Variants in UGGT2 observed in about 807,000 individuals in gnomAD.
The protein encoded by UGGT2 is UDP-glucose:glycoprotein glucosyltransferase 2.
A neutral mutation model predicts 192.1 loss-of-function variants in UGGT2; 180 were observed. That is an observed-to-expected ratio of 0.94 (90% CI 0.83 to 1.06). The LOEUF (loss-of-function observed/expected upper bound fraction) is 1.06, where lower values mean the gene tolerates loss of function less well. Among genes scored for constraint, UGGT2 ranks in the 50% least tolerant of loss-of-function variants. UGGT2 has a pLI of 0.00. For missense variants in UGGT2, 1,849 were observed against 1,795.7 expected (o/e 1.03, Z -0.54); for synonymous variants, 580 against 591.0 (o/e 0.98, Z 0.27).
In UGGT2 at chr13:95,814,703, T is replaced by G. The variant is rs1172811450; in HGVS notation, c.4529-12891A>C. The stretch of plus-strand genomic sequence containing the variant: ...AAACTCCAAAGTCCAAAGTCTCATC[T>G]GAGGCAATCTCCTTTGACTTCAACT... On this transcript the variant is annotated intron_variant, in intron 38 of 38. Coordinates refer to ENST00000376747, the MANE Select transcript of UGGT2 (RefSeq NM_020121.4). 2.6e-5 allele frequency among the ~76,000 whole-genome samples: 4 copies of G among 152,228 alleles called. No homozygotes were observed. The South Asian group carries it at 8.3e-4, about 32-fold the overall frequency.
intron 38 of UGGT2, among the ~76,000 whole-genome samples, chr13:95,816,273 G>C (rs181219393): frequency 6.6e-6 from 1 of 152,156 alleles, no homozygotes; most frequent in African/African-American, 2.4e-5. Context: ...TTAAGAGAGT[G>C]ATATCAAATG....
intron 15 of UGGT2, among the ~76,000 whole-genome samples, chr13:95,946,002 C>A (rs914108872): frequency 6.6e-6 from 1 of 151,902 alleles, no homozygotes; most frequent in Non-Finnish European, 1.5e-5. Flanking sequence ...CAAGCTAAAG[C>A]CCAATGAATA....
intron 20 of UGGT2, among the ~76,000 whole-genome samples, chr13:95,910,854 C>T (rs2048470675): frequency 6.6e-6 from 1 of 152,100 alleles, no homozygotes; most frequent in African/African-American, 2.4e-5. Context: ...CACTCTTCAG[C>T]AAATATAAAA....
intron 38 of UGGT2, among the ~76,000 whole-genome samples, chr13:95,820,195 T>A (rs1885359972): frequency 1.3e-5 from 2 of 152,098 alleles, no homozygotes; most frequent in Non-Finnish European, 2.9e-5. Flanking sequence ...GACTTTTTTT[T>A]AAAGGGGATA....
intron 7 of UGGT2, among the ~76,000 whole-genome samples, chr13:95,994,514 ATAACT>A (rs2051556692): frequency 6.6e-6 from 1 of 151,644 alleles, no homozygotes. Flanking sequence ...TTAATAAATA[ATAACT>A]TAATAATTAT....
chr13:95,976,763 A>G (rs1438925388), intron 10 of UGGT2, among the ~76,000 whole-genome samples: 7 of 152,194 alleles, frequency 4.6e-5, no homozygotes, highest in Admixed American at 3.9e-4. Context: ...CAAAGCAAAA[A>G]CAACATAGCT....
intron 1 of UGGT2, among the ~76,000 whole-genome samples, chr13:96,047,493 G>A (rs540325208): frequency 2.0e-5 from 3 of 152,076 alleles, no homozygotes; most frequent in Non-Finnish European, 4.4e-5. Flanking sequence ...AAAGACCAAA[G>A]GTAGATAAAA....
chr13:95,871,974 C>CA (rs535942670), intron 29 of UGGT2, among the ~76,000 whole-genome samples: 3 of 151,722 alleles, frequency 2.0e-5, no homozygotes, highest in Admixed American at 1.3e-4. Context: ...CTTCCTCCTA[C>CA]AAAAACATGG....
At chr13:95,883,877 A>C (rs1318693144) in intron 27 of UGGT2, among the ~76,000 whole-genome samples, 1 of 152,118 alleles carries the variant, frequency 6.6e-6, no homozygotes, top group African/African-American at 2.4e-5. Flanking sequence ...GACTCAGTTT[A>C]ATACTTTCTT....
intron 20 of UGGT2, among the ~76,000 whole-genome samples, chr13:95,904,561 T>A (rs2048219854): frequency 6.6e-6 from 1 of 151,492 alleles, no homozygotes. Context: ...TTTTTTGTTC[T>A]TGCGATAGTT....
intron 5 of UGGT2, among the ~76,000 whole-genome samples, chr13:96,006,430 GC>G (rs1395614551): frequency 5.3e-5 from 8 of 151,882 alleles, no homozygotes; most frequent in Admixed American, 5.2e-4. Flanking sequence ...TTCGAGACCA[GC>G]CTGACCAACA....
At chr13:96,041,985 G>C (rs912713352) in intron 1 of UGGT2, among the ~76,000 whole-genome samples, 9 of 152,002 alleles carry the variant, frequency 5.9e-5, no homozygotes, top group African/African-American at 2.2e-4. Context: ...GAGTTCCAGG[G>C]CCCACCCACT....
intron 24 of UGGT2, among the ~76,000 whole-genome samples, chr13:95,891,648 G>A (rs2047803596): frequency 6.6e-6 from 1 of 152,084 alleles, no homozygotes; most frequent in African/African-American, 2.4e-5. Flanking sequence ...TAAAAGCAGA[G>A]AATATGTTAC....
intron 20 of UGGT2, among the ~76,000 whole-genome samples, chr13:95,903,928 A>G (rs1455760916): frequency 6.6e-6 from 1 of 152,218 alleles, no homozygotes; most frequent in African/African-American, 2.4e-5. Context: ...ATATCTCATC[A>G]GGGTTTTAAT....
Position 95,947,187 on chromosome 13 carries a change from T to C in UGGT2, c.1542-15A>G. On this transcript the variant is annotated splice_polypyrimidine_tract_variant and intron_variant, in intron 14 of 38. Coordinates refer to ENST00000376747, the MANE Select transcript of UGGT2 (RefSeq NM_020121.4). ...CAAAACCAATTCTGGAAAAAGAAGA[T>C]GAACAAGGACTGTTATAATTACCTC... 1.9e-6 allele frequency: 3 copies of C among 1,583,782 alleles called. No homozygotes were observed. The highest frequency in any genetic ancestry group is 1.7e-6 in the Non-Finnish European group (2 of 1,167,846).
chr13:95,916,556 C>G (rs1014289963), intron 20 of UGGT2, among the ~76,000 whole-genome samples: 2 of 152,128 alleles, frequency 1.3e-5, no homozygotes, highest in Non-Finnish European at 2.9e-5. Flanking sequence ...GCCAAGATGG[C>G]TGAAGTGATG....
intron 36 of UGGT2, among the ~76,000 whole-genome samples, chr13:95,843,130 C>T (rs1020332551): frequency 3.9e-5 from 6 of 152,188 alleles, no homozygotes; most frequent in African/African-American, 2.4e-5. Flanking sequence ...CTTGGGTAAA[C>T]ACCCTGAAGT....
intron 17 of UGGT2, among the ~76,000 whole-genome samples, chr13:95,931,457 G>A (rs957453128): frequency 2.3e-4 from 35 of 152,074 alleles, no homozygotes; most frequent in African/African-American, 6.3e-4. Flanking sequence ...GCCCTTGAGC[G>A]GTCAATGGGA....
At chr13:95,949,022 G>A (rs973205480) in intron 13 of UGGT2, among the ~76,000 whole-genome samples, 2 of 152,134 alleles carry the variant, frequency 1.3e-5, no homozygotes, top group Admixed American at 6.5e-5. Flanking sequence ...GAAGAAGCAC[G>A]TTTGCTTCCC....
Sources: allele counts gnomAD v4.1 joint callset (sites outside exome capture counted in the v4.1 genomes callset), GRCh38; gene constraint gnomAD v4.1.1; transcripts MANE v1.5; gene names NCBI Gene and HGNC (gene_info 2026-07-23, HGNC 2026-07-21).